WASHC5: variants seen among roughly 807,000 people sequenced by gnomAD.
WASHC5 encodes the protein WASH complex subunit strumpellin.
Under a neutral mutation model 150.4 loss-of-function variants are expected in WASHC5, and 101 were observed. The observed-to-expected ratio is 0.67, with a 90% CI of 0.57 to 0.79. WASHC5 has a LOEUF of 0.79. Among genes scored for constraint, WASHC5 ranks in the 30% least tolerant of loss-of-function variants. The pLI is 0.00. For synonymous variants in WASHC5, 467 were observed against 491.2 expected (o/e 0.95, Z 0.65); for missense variants, 1,195 against 1,396.3 (o/e 0.86, Z 2.30).
chr8:125,083,848 C>T lies in WASHC5; in HGVS notation c.51G>A (p.Arg17=), dbSNP rs1817344032. 1 of 1,613,976 alleles carries T rather than the reference C, an allele frequency of 6.2e-7. No homozygotes were observed. The highest frequency in any genetic ancestry group is 8.5e-7 in the Non-Finnish European group (1 of 1,179,964). The stretch of plus-strand genomic sequence containing the variant: ...TGATGGCATTACCACAGGAAACAAT[C>T]CTTAGGATTGCTTGGCCACAGAGGT... ...ENNLCGQAIL[R]IVSCGNAIIA... is the part of the protein sequence containing the mutation. Residue 17 remains arginine, a synonymous_variant, in exon 2 of 29, where the codon AGG becomes AGA. Coordinates refer to ENST00000318410, the MANE Select transcript of WASHC5 (RefSeq NM_014846.4).
chr8:125,058,144 G>A (rs924509342), intron 14 of WASHC5, among the ~76,000 whole-genome samples: 2 of 151,234 alleles, frequency 1.3e-5, no homozygotes, highest in African/African-American at 4.9e-5. Context: ...TGTAAGAAGT[G>A]CCATTATTTT....
At chr8:125,053,760 T>A (rs551267394) in intron 17 of WASHC5, among the ~76,000 whole-genome samples, 19 of 152,216 alleles carry the variant, frequency 1.2e-4, no homozygotes, top group African/African-American at 4.1e-4. Flanking sequence ...GTCAGATATA[T>A]AGAAAAATAA....
chr8:125,032,924 G>A (rs989436946), intron 26 of WASHC5, among the ~76,000 whole-genome samples: 1 of 151,860 alleles, frequency 6.6e-6, no homozygotes, highest in East Asian at 1.9e-4. Flanking sequence ...TTACACTAAC[G>A]ATTTTTTAAA....
At chr8:125,041,328 C>T (rs1034584645) in intron 23 of WASHC5, among the ~76,000 whole-genome samples, 2 of 152,122 alleles carry the variant, frequency 1.3e-5, no homozygotes, top group African/African-American at 2.4e-5. Flanking sequence ...AATGCATTTC[C>T]TCTGAGTTGC....
chr8:125,044,321 A>G (rs1394228034), intron 21 of WASHC5, among the ~76,000 whole-genome samples: 1 of 152,208 alleles, frequency 6.6e-6, no homozygotes, highest in Non-Finnish European at 1.5e-5. Flanking sequence ...CCCAAGTTGA[A>G]ACTTACAAAA....
At position 125,058,041 on chromosome 8, in the gene WASHC5, T is replaced by C. The variant is rs1461622397; in HGVS notation, c.1765-375A>G. ...CCACTGTGCCACAGAAAAGAGCTAC[T>C]CCTGTGTGGAAATCAAGACGTTCTG... On this transcript the variant is annotated intron_variant, in intron 14 of 28. Transcript: ENST00000318410. Among the ~76,000 whole-genome samples, 7 of 151,628 alleles carry C rather than the reference T, an allele frequency of 4.6e-5. No individual in the cohort carries two copies. The Admixed American group carries it at 4.6e-4, about 10-fold the overall frequency.
At chr8:125,057,780 A>AACAACCAC in intron 14 of WASHC5, 114 bp from the exon 15 acceptor site, 1 of 744,580 alleles carries the variant, frequency 1.3e-6, no homozygotes, top group African/African-American at 1.8e-5. Context: ...AACAGAGGGC[A>AACAACCAC]TTAATAGTTT....
intron 27 of WASHC5, among the ~76,000 whole-genome samples, chr8:125,029,607 A>G (rs1815469645): frequency 1.3e-5 from 2 of 152,148 alleles, no homozygotes; most frequent in African/African-American, 4.8e-5. Flanking sequence ...GCATCTAGCA[A>G]TTTTTCATAT....
intron 23 of WASHC5, 85 bp from the exon 24 acceptor site, chr8:125,039,983 C>G: frequency 2.4e-6 from 2 of 829,182 alleles, no homozygotes; most frequent in Non-Finnish European, 4.1e-6. Context: ...GATGACAATT[C>G]TTCACTGGGC....
Position 125,050,804 on chromosome 8 carries a change from C to A in WASHC5, c.2098-139G>T, listed in dbSNP as rs561000141. ...TAAATGATTTGAATTTTTTCCTTTC[C>A]TGTCCCTGTGATCTTGCACAGCTTG... is the stretch of plus-strand genomic sequence containing the variant. On this transcript the variant is annotated intron_variant, in intron 17 of 28. Coordinates refer to ENST00000318410, the MANE Select transcript of WASHC5 (RefSeq NM_014846.4). 9.3e-5 allele frequency: 65 copies of A among 695,224 alleles called. No individual in the cohort carries two copies. The East Asian group carries it at 1.7e-3, about 19-fold the overall frequency. 43.1% of individuals were successfully genotyped at this position (695,224 alleles called of 1,614,324 possible).
chr8:125,062,749 C>T (rs1358095447), intron 11 of WASHC5, among the ~76,000 whole-genome samples: 1 of 152,020 alleles, frequency 6.6e-6, no homozygotes, highest in African/African-American at 2.4e-5. Context: ...AGAAGCTACA[C>T]TACTAAGCAA....
chr8:125,072,600 C>G (rs1816932155), intron 9 of WASHC5, among the ~76,000 whole-genome samples: 1 of 152,062 alleles, frequency 6.6e-6, no homozygotes, highest in African/African-American at 2.4e-5. Context: ...TTCTGAACTC[C>G]TGGGCTCAAG....
intron 6 of WASHC5, 104 bp downstream of exon 6, chr8:125,078,634 C>T: frequency 1.0e-6 from 1 of 959,446 alleles, no homozygotes; most frequent in Non-Finnish European, 1.7e-6. Context: ...GTTCTACCTG[C>T]TTTTACTCTT....
chr8:125,076,868 CT>C (rs1817079729), intron 6 of WASHC5, among the ~76,000 whole-genome samples: 1 of 151,902 alleles, frequency 6.6e-6, no homozygotes, highest in African/African-American at 2.4e-5. Flanking sequence ...TTCTCACTTT[CT>C]GTTTATTATT....
chr8:125,061,149 G>A lies in WASHC5; in HGVS notation c.1454C>T (p.Ser485Phe), dbSNP rs1460227616. ...WFREISKQIL[S>F]LNYDDSTAAG... The stretch of plus-strand genomic sequence containing the variant: ...AGCAGTAGAATCATCATAATTTAAA[G>A]ACAATATTTGTTTTGAGATCTCTCT... Residue 485 changes from serine to phenylalanine, a missense_variant, in exon 12 of 29, where the codon TCT becomes TTT. Ser to Phe is a radical substitution (Grantham distance 155). Around this residue, in one of 3 missense-constraint regions of WASHC5, gnomAD observed 997 missense variants for 1,168.1 expected, o/e 0.85. Transcript: ENST00000318410. 1 of 1,611,838 alleles carries A rather than the reference G, an allele frequency of 6.2e-7. No homozygotes were observed. The highest frequency in any genetic ancestry group is 8.5e-7 in the Non-Finnish European group (1 of 1,178,198).
intron 20 of WASHC5, among the ~76,000 whole-genome samples, chr8:125,045,300 A>G (rs1816030282): frequency 6.6e-6 from 1 of 152,260 alleles, no homozygotes; most frequent in Non-Finnish European, 1.5e-5. Context: ...CTTATTGTGC[A>G]CCAGGTGCTG....
intron 20 of WASHC5, 42 bp downstream of exon 20, chr8:125,047,165 G>A: frequency 2.5e-6 from 4 of 1,611,730 alleles, no homozygotes; most frequent in Non-Finnish European, 2.5e-6. Flanking sequence ...AGATGAGACT[G>A]CCTGCAGTAT....
chr8:125,062,597 G>A (rs1816629636), intron 11 of WASHC5, among the ~76,000 whole-genome samples: 1 of 152,118 alleles, frequency 6.6e-6, no homozygotes, highest in South Asian at 2.1e-4. Context: ...ATCGTTATAC[G>A]TTGGCTGGCT....
intron 19 of WASHC5, among the ~76,000 whole-genome samples, chr8:125,047,718 G>A (rs375389324): frequency 4.6e-5 from 7 of 152,064 alleles, no homozygotes; most frequent in African/African-American, 1.4e-4. Flanking sequence ...GATTATAGGC[G>A]TGTGCCAGGT....
Sources: allele counts gnomAD v4.1 joint callset (sites outside exome capture counted in the v4.1 genomes callset), GRCh38; gene constraint gnomAD v4.1.1; regional missense constraint gnomAD v4.1.1; transcripts MANE v1.5; gene names NCBI Gene and HGNC (gene_info 2026-07-23, HGNC 2026-07-21).